The following PCDHGB1 variants were observed in gnomAD, a reference collection of about 807,000 sequenced individuals.
PCDHGB1 encodes the protein protocadherin gamma-B1.
PCDHGB1 carries 34 observed loss-of-function variants against 56.6 expected under a neutral mutation model. The observed-to-expected ratio is 0.60, with a 90% CI of 0.46 to 0.80. The LOEUF is 0.80. PCDHGB1 is among the 30% of genes least tolerant of loss of function. PCDHGB1 has a pLI of 0.00. For synonymous variants in PCDHGB1, 561 were observed against 505.9 expected, an observed-to-expected ratio of 1.11 and a Z score of -1.46; for missense variants, 1,278 against 1,204.6, an observed-to-expected ratio of 1.06 and a Z score of -0.90.
chr5:141,500,269 C>T (rs977958449), intron 2 of PCDHGB1, among the ~76,000 whole-genome samples: 1 of 151,504 alleles, frequency 6.6e-6, no homozygotes, highest in African/African-American at 2.4e-5. Context: ...ACTGCAGTGG[C>T]GCAATCTCGG....
chr5:141,473,117 C>A (rs976493841), intron 1 of PCDHGB1, among the ~76,000 whole-genome samples: 4 of 152,140 alleles, frequency 2.6e-5, no homozygotes, highest in Admixed American at 1.3e-4. Flanking sequence ...CTTTACTTGG[C>A]TCTTTGGCAA....
Position 141,422,436 on chromosome 5 carries a change from C to T in PCDHGB1, c.2409+69767C>T, listed in dbSNP as rs200737047. The T allele has an allele frequency of 1.2e-5, 20 of 1,609,634 alleles. No homozygotes were observed. The East Asian group carries it at 4.0e-4, about 32-fold the overall frequency. On this transcript the variant is annotated intron_variant, in intron 1 of 3. Coordinates refer to ENST00000523390, the MANE Select transcript of PCDHGB1 (RefSeq NM_018922.3). The stretch of plus-strand genomic sequence containing the variant: ...TAGAAAAGACTTATGGAAATTATTA[C>T]AAATTGATAACAAGCAGAGTGCTGG...
Position 141,489,978 on chromosome 5 carries a change from T to C in PCDHGB1, c.2410-4829T>C. 6.2e-7 allele frequency: 1 copy of C among 1,614,192 alleles called. No homozygotes were observed. Among genetic ancestry groups the C allele is most frequent in the Non-Finnish European group, 8.5e-7 (1 of 1,180,012 alleles). On this transcript the variant is annotated intron_variant, in intron 1 of 3. Coordinates refer to ENST00000523390, the MANE Select transcript of PCDHGB1 (RefSeq NM_018922.3). The surrounding 1 kb of genome is among the most constrained non-coding windows in gnomAD (Gnocchi z 4.5). ...ATGCTCCAACCTTCCAATCCTCAGT[T>C]CTACGTGTGGGAATCCCAGAGAATG...
At chr5:141,403,094 A>G in intron 1 of PCDHGB1, 1 of 1,614,064 alleles carries the variant, frequency 6.2e-7, no homozygotes, top group Non-Finnish European at 8.5e-7. Flanking sequence ...TGTGGGCAAC[A>G]TCTCCAAGGA....
At chr5:141,398,700 C>T in intron 1 of PCDHGB1, 1 of 1,613,844 alleles carries the variant, frequency 6.2e-7, no homozygotes, top group Non-Finnish European at 8.5e-7. Context: ...GTAGTAAATA[C>T]CCGGAACTGG....
intron 1 of PCDHGB1, 83 bp downstream of exon 1, chr5:141,352,752 G>A: frequency 7.2e-7 from 1 of 1,382,970 alleles, no homozygotes. Context: ...CACTTAACCA[G>A]GCTGAGGCAG....
Position 141,487,272 on chromosome 5 carries a change from T to C in PCDHGB1, c.2410-7535T>C. 6.2e-7 allele frequency: 1 copy of C among 1,614,148 alleles called. No homozygotes were observed. The highest frequency in any genetic ancestry group is 8.5e-7 in the Non-Finnish European group (1 of 1,180,036). Reference sequence around the variant, plus strand: ...TACTTGGCTGTGTCCCTAGTGGCAATTTGCTTTGTCTCCTTTGGCTCATTC... The same window carrying C: ...TACTTGGCTGTGTCCCTAGTGGCAACTTGCTTTGTCTCCTTTGGCTCATTC... On this transcript the variant is annotated intron_variant, in intron 1 of 3. Coordinates refer to ENST00000523390, the MANE Select transcript of PCDHGB1 (RefSeq NM_018922.3). This position sits in a 1 kb window ranked among gnomAD's most constrained non-coding sequence, Gnocchi z 5.0.
rs2099629299 is a variant in PCDHGB1, at chr5:141,486,426, A to G, written c.2410-8381A>G. ...GCTGGACCCTTGGATCGAGAGGCCA[A>G]ATCTAGCTATGACATCATGGTCACT... On this transcript the variant is annotated intron_variant, in intron 1 of 3. Transcript: ENST00000523390. The surrounding 1 kb of genome is among the most constrained non-coding windows in gnomAD (Gnocchi z 5.0). 1.9e-6 allele frequency: 3 copies of G among 1,614,190 alleles called. No individual in the cohort carries two copies. Among genetic ancestry groups the G allele is most frequent in the Non-Finnish European group, 2.5e-6 (3 of 1,180,026 alleles).
chr5:141,430,933 G>C (rs2097327058), intron 1 of PCDHGB1: 1 of 1,607,608 alleles, frequency 6.2e-7, no homozygotes, highest in East Asian at 2.2e-5. Flanking sequence ...AGCCCCGGGA[G>C]CTCGCGGAGC....
At chr5:141,469,964 G>T (rs974494589) in intron 1 of PCDHGB1, among the ~76,000 whole-genome samples, 2 of 152,002 alleles carry the variant, frequency 1.3e-5, no homozygotes, top group Non-Finnish European at 2.9e-5. Flanking sequence ...AACCCCATCT[G>T]TACCAAAAAT....
At chr5:141,398,942 G>A (rs748252181) in intron 1 of PCDHGB1, 2 of 1,613,884 alleles carry the variant, frequency 1.2e-6, no homozygotes, top group South Asian at 1.1e-5. Context: ...CAAGACGAGG[G>A]CATCAACTCA....
intron 1 of PCDHGB1, chr5:141,383,196 T>C (rs7704696): frequency 0.066 from 106,221 of 1,613,864 alleles, 4,924 homozygotes; most frequent in African/African-American, 0.24. Context: ...GCGCTCAGAG[T>C]GCGCGGTGTC....
chr5:141,381,826 CTTTTTTTTTTT>C (rs770630741), intron 1 of PCDHGB1, among the ~76,000 whole-genome samples: 18 of 74,294 alleles, frequency 2.4e-4, no homozygotes, highest in African/African-American at 9.9e-4. Flanking sequence ...CTTTCTTCTT[CTTTTTTTTTTT>C]TTTTTTTTTT....
In PCDHGB1 at chr5:141,352,582, G is replaced by A. The variant is rs1759052169; in HGVS notation, c.2322G>A (p.Gln774=). ...TGACACCGGAAATGGCTCCCCCTCA[G>A]GATCTGCTGTGTGATGATCCTTCTA... ...LNLTPEMAPP[Q]DLLCDDPSMV... The change falls in exon 1 of 4, where the codon CAG becomes CAA. Residue 774 remains glutamine, a synonymous_variant. Transcript: ENST00000523390. 1 of 1,613,900 alleles carries A rather than the reference G, an allele frequency of 6.2e-7. No homozygotes were observed.
Position 141,490,004 on chromosome 5 carries a change from C to T in PCDHGB1, c.2410-4803C>T. On this transcript the variant is annotated intron_variant, in intron 1 of 3. Coordinates refer to ENST00000523390, the MANE Select transcript of PCDHGB1 (RefSeq NM_018922.3). This position sits in a 1 kb window ranked among gnomAD's most constrained non-coding sequence, Gnocchi z 5.4. ...CTACGTGTGGGAATCCCAGAGAATG[C>T]ACCCATTGGTACTCTGCTGCTCCGC... The T allele has an allele frequency of 1.9e-6, 3 of 1,614,174 alleles. No individual in the cohort carries two copies. Among genetic ancestry groups the T allele is most frequent in the Non-Finnish European group, 2.5e-6 (3 of 1,179,980 alleles).
In PCDHGB1 at chr5:141,489,077, C is replaced by CCCCCCACCGGG; in HGVS notation, c.2410-5730_2410-5729insCCCCCACCGGG. ...AGCTCCCCTCCCCCCTGCCCACCCCCGCCACTCGGTGACTAAGAACTGCTG... is the reference window on the plus strand; with the variant it reads ...AGCTCCCCTCCCCCCTGCCCACCCCCCCCCCACCGGGGCCACTCGGTGACTAAGAACTGCTG... On this transcript the variant is annotated intron_variant, in intron 1 of 3. Transcript: ENST00000523390. The surrounding 1 kb of genome is among the most constrained non-coding windows in gnomAD (Gnocchi z 4.5). 6.1e-6 allele frequency: 2 copies of CCCCCCACCGGG among 325,756 alleles called. No individual in the cohort carries two copies. Among genetic ancestry groups the CCCCCCACCGGG allele is most frequent in the Non-Finnish European group, 5.5e-6 (1 of 181,460 alleles). The allele number at this position is 325,756 out of a possible 1,614,324, so 20.2% of individuals were successfully genotyped here.
At chr5:141,444,692 T>G (rs531452351) in intron 1 of PCDHGB1, among the ~76,000 whole-genome samples, 1 of 152,360 alleles carries the variant, frequency 6.6e-6, no homozygotes, top group South Asian at 2.1e-4. Context: ...TTAAAAATAT[T>G]TTCCTCTTTC....
chr5:141,453,287 A>T (rs900058377), intron 1 of PCDHGB1, among the ~76,000 whole-genome samples: 1 of 151,368 alleles, frequency 6.6e-6, no homozygotes, highest in Non-Finnish European at 1.5e-5. Context: ...CTAATTTTTT[A>T]ATTATTTATT....
At chr5:141,463,518 G>C (rs537466389) in intron 1 of PCDHGB1, among the ~76,000 whole-genome samples, 1 of 139,068 alleles carries the variant, frequency 7.2e-6, no homozygotes, top group African/African-American at 2.8e-5. Context: ...GCGTGATCTC[G>C]GCTTACTAGA....
Sources: gnomAD v4.1 joint callset for allele counts (sites outside exome capture counted in the v4.1 genomes callset) on GRCh38, gnomAD v4.1.1 for gene constraint, Gnocchi (gnomAD v3.1) non-coding constraint, MANE v1.5 for transcripts, NCBI Gene and HGNC (gene_info 2026-07-23, HGNC 2026-07-21) for gene names.